ITGB2: variants seen among roughly 807,000 people sequenced by gnomAD.
The protein encoded by ITGB2 is integrin beta-2.
ITGB2 carries 56 observed loss-of-function variants against 86.8 expected under a neutral mutation model. The ratio of observed to expected loss-of-function variants is 0.65; its 90% confidence interval spans 0.52 to 0.81. The LOEUF (loss-of-function observed/expected upper bound fraction) is 0.81, where lower values mean the gene tolerates loss of function less well. Among genes scored for constraint, ITGB2 ranks in the 30% least tolerant of loss-of-function variants. The probability of loss-of-function intolerance (pLI) is 0.00; values close to 1 mark genes in which losing one functional copy is unlikely to be tolerated. For missense variants in ITGB2, 948 were observed against 1,061.2 expected, an observed-to-expected ratio of 0.89 and a Z score of 1.48; for synonymous variants, 457 against 450.4, an observed-to-expected ratio of 1.01 and a Z score of -0.19.
In ITGB2 at chr21:44,891,839, C is replaced by T; in HGVS notation, c.1382G>A (p.Gly461Asp). 1.2e-6 allele frequency: 2 copies of T among 1,609,606 alleles called. No homozygotes were observed. Among genetic ancestry groups the T allele is most frequent in the Non-Finnish European group, 1.7e-6 (2 of 1,179,998 alleles). ...GATGCCGCACTCCAAGAAGCCCTTGCCATGGCAGAGGCTGCGGTCTCTGCT... is the reference window on the plus strand; with the variant it reads ...GATGCCGCACTCCAAGAAGCCCTTGTCATGGCAGAGGCTGCGGTCTCTGCT... ...DQSRDRSLCH[G>D]KGFLECGICR... is the part of the protein sequence containing the mutation. Residue 461 changes from glycine to aspartate, a missense_variant, in exon 11 of 16, where the codon GGC becomes GAC. Transcript: ENST00000652462.
chr21:44,910,562 T>G (rs2084115309), intron 2 of ITGB2, 163 bp downstream of exon 2: 7 of 1,399,954 alleles, frequency 5.0e-6, no homozygotes, highest in African/African-American at 1.4e-5. Context: ...TACAGCCTCC[T>G]GGCACGTGCG....
At chr21:44,886,629 C>A (rs1186528293) in intron 15 of ITGB2, 107 bp downstream of exon 15, 16 of 1,536,262 alleles carry the variant, frequency 1.0e-5, no homozygotes, top group Admixed American at 1.7e-5. Flanking sequence ...CCTGGGGAGG[C>A]CGGGGTGCAG....
intron 1 of ITGB2, among the ~76,000 whole-genome samples, chr21:44,919,645 C>T (rs1180958416): frequency 6.6e-6 from 1 of 152,172 alleles, no homozygotes; most frequent in Non-Finnish European, 1.5e-5. Context: ...CGAGTGACAG[C>T]GAGTGTCCCC....
rs761065462 is a variant in ITGB2, at chr21:44,910,264, G to A, written c.147+20C>T. ...CACCCAGGAGCTGGGCAGGTGGGGA[G>A]GGGTCCAGGAGGCACTTACCAGCTT... is the stretch of plus-strand genomic sequence containing the variant. On this transcript the variant is annotated intron_variant, in intron 3 of 15. Transcript: ENST00000652462. 4 of 1,611,970 alleles carry A rather than the reference G, an allele frequency of 2.5e-6. No individual in the cohort carries two copies. The highest frequency in any genetic ancestry group is 3.4e-6 in the Non-Finnish European group (4 of 1,179,050).
At chr21:44,919,029 A>AGCACTCGGAGCTGCCTTCG (rs1568909711) in intron 1 of ITGB2, among the ~76,000 whole-genome samples, 2 of 146,360 alleles carry the variant, frequency 1.4e-5, no homozygotes, top group Non-Finnish European at 3.0e-5. Flanking sequence ...AGGCACCTGC[A>AGCACTCGGAGCTGCCTTCG]GTTGCTCAGC....
chr21:44,924,947 A>C (rs1348766161), upstream of ITGB2, among the ~76,000 whole-genome samples: 1 of 152,168 alleles, frequency 6.6e-6, no homozygotes, highest in Non-Finnish European at 1.5e-5. Flanking sequence ...AAGACAGAGA[A>C]GGCTACGGGC....
In ITGB2 at chr21:44,891,803, C is replaced by T; in HGVS notation, c.1412+6G>A. ...ATGGTTCAACAGGGACCTGCGCCCGCCTCACCTGCAGATGCCGCACTCCAA... is the reference window on the plus strand; with the variant it reads ...ATGGTTCAACAGGGACCTGCGCCCGTCTCACCTGCAGATGCCGCACTCCAA... On this transcript the variant is annotated splice_donor_region_variant and intron_variant, in intron 11 of 15. Coordinates refer to ENST00000652462, the MANE Select transcript of ITGB2 (RefSeq NM_000211.5). 1 of 1,603,124 alleles carries T rather than the reference C, an allele frequency of 6.2e-7. No individual in the cohort carries two copies. The highest frequency in any genetic ancestry group is 8.5e-7 in the Non-Finnish European group (1 of 1,179,904).
At chr21:44,920,462 G>C (rs920677851) in intron 1 of ITGB2, among the ~76,000 whole-genome samples, 1 of 152,138 alleles carries the variant, frequency 6.6e-6, no homozygotes, top group Non-Finnish European at 1.5e-5. Context: ...AGGAGGCCCC[G>C]GGAACCTGCC....
intron 6 of ITGB2, among the ~76,000 whole-genome samples, chr21:44,900,790 G>A (rs568921090): frequency 2.0e-5 from 3 of 152,350 alleles, no homozygotes; most frequent in Admixed American, 6.5e-5. Flanking sequence ...TCCCCAAGGG[G>A]AAAAACCCTC....
chr21:44,907,133 C>G (rs2084056529), intron 3 of ITGB2, 38 bp from the exon 4 acceptor site: 1 of 1,485,676 alleles, frequency 6.7e-7, no homozygotes, highest in Admixed American at 1.8e-5. Context: ...GGGGGCCACA[C>G]TGCGGGACCT....
At chr21:44,894,491 T>TGA in intron 9 of ITGB2, 1 of 236,786 alleles carries the variant, frequency 4.2e-6, no homozygotes, top group Non-Finnish European at 8.5e-6. Context: ...AGGGTGCAGC[T>TGA]CGATGGGCCG....
Position 44,893,409 on chromosome 21 carries a change from C to T in ITGB2, c.1219G>A (p.Val407Ile), listed in dbSNP as rs1342077214. The stretch of plus-strand genomic sequence containing the variant: ...ACCCTTGTGGCCAGGCTCACCGGGA[C>T]ATTGATCTGCACGCCATCACAGTCA... ...RGDCDGVQIN[V>I]PITFQVKVTA... Residue 407 changes from valine to isoleucine, a missense_variant, in exon 10 of 16, where the codon GTC becomes ATC. Physicochemically the swap from Val to Ile is conservative, Grantham distance 29 (BLOSUM62 3). Transcript: ENST00000652462. 5.0e-6 allele frequency: 8 copies of T among 1,613,986 alleles called. No homozygotes were observed. The Admixed American group carries it at 1.0e-4, about 20-fold the overall frequency.
chr21:44,916,157 G>A (rs546273136), intron 1 of ITGB2, among the ~76,000 whole-genome samples: 28 of 152,032 alleles, frequency 1.8e-4, no homozygotes, highest in South Asian at 1.3e-3. Flanking sequence ...TCCTGACCTC[G>A]TGATCCGCCT....
rs769739259 is a variant in ITGB2 at position 44,886,444 on chromosome 21, C to A, written c.2248-14G>T. 2 of 1,613,696 alleles carry A rather than the reference C, an allele frequency of 1.2e-6. No homozygotes were observed. Among genetic ancestry groups the A allele is most frequent in the Non-Finnish European group, 1.7e-6 (2 of 1,179,716 alleles). ...AAGGGGATTATCCTGGTGGGAAATG[C>A]AAACAGGGGCTTGTGAGTGTGGGAG... On this transcript the variant is annotated splice_polypyrimidine_tract_variant and intron_variant, in intron 15 of 15. Coordinates refer to ENST00000652462, the MANE Select transcript of ITGB2 (RefSeq NM_000211.5).
intron 3 of ITGB2, 100 bp from the exon 4 acceptor site, chr21:44,907,195 C>T (rs1184999816): frequency 5.9e-6 from 5 of 846,650 alleles, no homozygotes; most frequent in South Asian, 1.7e-5. Context: ...GTCCCCTCCT[C>T]CTCTGCGCCT....
In ITGB2 at chr21:44,907,629, A is replaced by G. The variant is rs73906940; in HGVS notation, c.148-534T>C. 8.9e-3 allele frequency among the ~76,000 whole-genome samples: 1,362 copies of G among 152,356 alleles called. 17 individuals carry two copies. Among genetic ancestry groups the G allele is most frequent in the African/African-American group, 0.03 (1,266 of 41,574 alleles). ...TCCTCTCAGCCACTTTGTCCCTGCA[A>G]ATCCCCTGGATTCTGATGAGGGCTG... is the stretch of plus-strand genomic sequence containing the variant. On this transcript the variant is annotated intron_variant, in intron 3 of 15. Transcript: ENST00000652462.
chr21:44,926,092 G>A (rs919071517), intron 1 of ITGB2, among the ~76,000 whole-genome samples: 6 of 152,212 alleles, frequency 3.9e-5, no homozygotes, highest in Middle Eastern at 3.4e-3. Context: ...ACAACAGAGC[G>A]AGACTCCGTC....
In ITGB2 at chr21:44,909,813, T is replaced by C. The variant is rs137882839; in HGVS notation, c.147+471A>G. ...GTATCAAAATACATTTACATCAAAGTACATTTCCTCTTGGCCACCTTGTCC... is the reference window on the plus strand; with the variant it reads ...GTATCAAAATACATTTACATCAAAGCACATTTCCTCTTGGCCACCTTGTCC... On this transcript the variant is annotated intron_variant, in intron 3 of 15. Transcript: ENST00000652462. Among the ~76,000 whole-genome samples the C allele has an allele frequency of 2.8e-3, 421 of 152,364 alleles. 2 individuals are homozygous for C. The highest frequency in any genetic ancestry group is 9.6e-3 in the African/African-American group (399 of 41,586).
In ITGB2 at chr21:44,910,769, C is replaced by T. The variant is rs764716256; in HGVS notation, c.14G>A (p.Arg5His). The stretch of plus-strand genomic sequence containing the variant: ...CCCCACCAGGGCGAGCAGTGGGGGG[C>T]GCAGGCCCAGCATGTCCTGTGGAGG... MLGL[R>H]PPLLALVGLL... Residue 5 changes from arginine (R) to histidine (H), a missense_variant, in exon 2 of 16, where the codon CGC (arginine) becomes CAC (histidine). Transcript: ENST00000652462. 6.8e-6 allele frequency: 11 copies of T among 1,613,752 alleles called. No individual in the cohort carries two copies. Among genetic ancestry groups the T allele is most frequent in the South Asian group, 3.3e-5 (3 of 90,992 alleles).
Sources: allele counts gnomAD v4.1 joint callset (sites outside exome capture counted in the v4.1 genomes callset), GRCh38; gene constraint gnomAD v4.1.1; transcripts MANE v1.5; gene names NCBI Gene and HGNC (gene_info 2026-07-23, HGNC 2026-07-21).